The following CGREF1 variants were observed in gnomAD, a reference collection of about 807,000 sequenced individuals.
The protein encoded by CGREF1 is cell growth regulator with EF hand domain protein 1.
Under a neutral mutation model 17.4 loss-of-function variants are expected in CGREF1, and 16 were observed. The ratio of observed to expected loss-of-function variants is 0.92; its 90% CI spans 0.62 to 1.40. The LOEUF is 1.40. Among genes scored for constraint, CGREF1 ranks in the 40% most tolerant of loss-of-function variants. The probability of loss-of-function intolerance (pLI) is 0.00; values close to 1 mark genes in which losing one functional copy is unlikely to be tolerated. For missense variants in CGREF1, 296 were observed against 376.4 expected (o/e 0.79, Z 1.77); for synonymous variants, 142 against 154.6 (o/e 0.92, Z 0.61).
intron 2 of CGREF1, 125 bp downstream of exon 2, chr2:27,104,158 CAGGG>C: frequency 1.1e-6 from 1 of 896,624 alleles, no homozygotes; most frequent in Non-Finnish European, 1.6e-6. Context: ...AGGCTGATGG[CAGGG>C]AGATACAGAG....
chr2:27,101,571 C>A lies in CGREF1; in HGVS notation c.660G>T (p.Gly220=). The A allele has an allele frequency of 6.2e-7, 1 of 1,613,648 alleles. No homozygotes were observed. Among genetic ancestry groups the A allele is most frequent in the South Asian group, 1.1e-5 (1 of 91,074 alleles). Residue 220 remains glycine (G), a synonymous_variant, in exon 6 of 6, where the codon GGG becomes GGT. Coordinates refer to ENST00000402394, the MANE Select transcript of CGREF1 (RefSeq NM_006569.6). ...GQAEADGDVP[G]PRGEAEGQAE... Reference sequence around the variant, plus strand: ...CCTGGCCCTCAGCTTCCCCTCTGGGCCCTGGAACATCTCCATCAGCCTCTG... The same window carrying A: ...CCTGGCCCTCAGCTTCCCCTCTGGGACCTGGAACATCTCCATCAGCCTCTG...
Position 27,119,122 on chromosome 2 carries a change from C to T in CGREF1, c.-288G>A, listed in dbSNP as rs996684077. The T allele has an allele frequency of 6.6e-6, 1 of 152,268 alleles. No homozygotes were observed. The highest frequency in any genetic ancestry group is 1.5e-5 in the Non-Finnish European group (1 of 68,022). The allele number at this position is 152,268 out of a possible 1,614,324, so 9.4% of individuals were successfully genotyped here. On this transcript the variant is annotated 5_prime_UTR_variant, in exon 1 of 6. Transcript: ENST00000402394. This position sits in a 1 kb window ranked among gnomAD's most constrained non-coding sequence, Gnocchi z 5.6. Reference sequence around the variant, plus strand: ...CTGCGCGCGCCCGTGTGAGTGTGCGCGTGTGTGCGTGCGTGAGTGCGCATG... The same window carrying T: ...CTGCGCGCGCCCGTGTGAGTGTGCGTGTGTGTGCGTGCGTGAGTGCGCATG...
At chr2:27,107,653 G>C (rs939874837) in intron 1 of CGREF1, among the ~76,000 whole-genome samples, 52 of 151,210 alleles carry the variant, frequency 3.4e-4, no homozygotes, top group African/African-American at 1.3e-3. Flanking sequence ...AAAAAAAAGA[G>C]GCCGGGTGTG....
rs1299586758 is a variant in CGREF1 at position 27,104,310 on chromosome 2, A to G, written c.57T>C (p.Ala19=). The change falls in exon 2 of 6, where the codon GCT becomes GCC. Residue 19 remains alanine (A), a synonymous_variant. Coordinates refer to ENST00000402394, the MANE Select transcript of CGREF1 (RefSeq NM_006569.6). ...ACCTTGTGACTCCATCCTTTGGGGC[A>G]GCCTGACCCGTGGGGAGCAGCAGCA... is the stretch of plus-strand genomic sequence containing the variant. The part of the protein sequence containing the change: ...LILLLLPTGQ[A]APKDGVTRPD... The G allele has an allele frequency of 6.4e-7, 1 of 1,574,796 alleles. No homozygotes were observed. The highest frequency in any genetic ancestry group is 1.2e-5 in the South Asian group (1 of 82,890).
chr2:27,101,941 G>A, intron 5 of CGREF1, 53 bp from the exon 6 acceptor site: 4 of 1,591,338 alleles, frequency 2.5e-6, no homozygotes, highest in African/African-American at 1.3e-5. Context: ...GTTCCCAGGA[G>A]TTCTGACCCT....
downstream of CGREF1, chr2:27,099,727 C>A: frequency 6.2e-7 from 1 of 1,614,128 alleles, no homozygotes; most frequent in Non-Finnish European, 8.5e-7. Context: ...GTGTGGCCTG[C>A]AGGGCTTTGA....
intron 1 of CGREF1, among the ~76,000 whole-genome samples, chr2:27,109,055 A>T (rs1012205897): frequency 6.6e-6 from 1 of 152,068 alleles, no homozygotes; most frequent in Non-Finnish European, 1.5e-5. Flanking sequence ...AACTTAGAGA[A>T]TTTGCCACTA....
Position 27,101,775 on chromosome 2 carries a change from G to A in CGREF1, c.456C>T (p.Pro152=), listed in dbSNP as rs780406551. Residue 152 remains proline, a synonymous_variant, in exon 6 of 6, where the codon CCC becomes CCT. Transcript: ENST00000402394. ...GAGGAGATGGAGCAAGGGGCTCTCC[G>A]GGCTCCACGTGCCTGAGGGCTACTC... ...FPGVALRHVE[P]GEPLAPSPQE... is the part of the protein sequence containing the mutation. 1.8e-5 allele frequency: 29 copies of A among 1,614,072 alleles called. No individual in the cohort carries two copies. The highest frequency in any genetic ancestry group is 1.2e-4 in the Admixed American group (7 of 60,002).
chr2:27,099,926 G>T, downstream of CGREF1: 1 of 1,399,196 alleles, frequency 7.1e-7, no homozygotes, highest in Non-Finnish European at 9.9e-7. Flanking sequence ...GGGGATGGCT[G>T]GGGGATGCAG....
intron 1 of CGREF1, among the ~76,000 whole-genome samples, chr2:27,115,224 G>T (rs1398741162): frequency 1.3e-5 from 2 of 151,984 alleles, no homozygotes; most frequent in Non-Finnish European, 2.9e-5. Flanking sequence ...AATCATTTTT[G>T]CACCGAGCCC....
intron 1 of CGREF1, among the ~76,000 whole-genome samples, chr2:27,106,333 A>T (rs1671116682): frequency 6.6e-6 from 1 of 152,222 alleles, no homozygotes; most frequent in South Asian, 2.1e-4. Flanking sequence ...GTATCTGCCA[A>T]ACCAAACCCA....
At chr2:27,099,673 G>A (rs138164728), downstream of CGREF1, 1,963 of 1,614,124 alleles carry the variant, frequency 1.2e-3, 18 homozygotes, top group Non-Finnish European at 9.0e-4. Context: ...AGGGAGGAGC[G>A]TGCAGGAAGC....
At position 27,101,131 on chromosome 2, in the gene CGREF1, G is replaced by C. The variant is rs910152774; in HGVS notation, c.*143C>G. 1.5e-5 allele frequency: 22 copies of C among 1,441,134 alleles called. No individual in the cohort carries two copies. The highest frequency in any genetic ancestry group is 1.9e-5 in the Non-Finnish European group (21 of 1,104,980). The allele number at this position is 1,441,134 out of a possible 1,614,324, so 89.3% of individuals were successfully genotyped here. A position where few individuals can be genotyped will look rare whatever the true frequency, so the allele number is the denominator to read the frequency against. Reference sequence around the variant, plus strand: ...CTGCCCCTTAACTTAGGGTCTCCCTGAGCTGCACAGAAAGACCTGATACCT... The same window carrying C: ...CTGCCCCTTAACTTAGGGTCTCCCTCAGCTGCACAGAAAGACCTGATACCT... On this transcript the variant is annotated 3_prime_UTR_variant, in exon 6 of 6. Coordinates refer to ENST00000402394, the MANE Select transcript of CGREF1 (RefSeq NM_006569.6).
At chr2:27,102,287 G>A in intron 4 of CGREF1, 66 bp from the exon 5 acceptor site, 2 of 1,612,604 alleles carry the variant, frequency 1.2e-6, no homozygotes, top group Non-Finnish European at 1.7e-6. Context: ...GAGTCAATGG[G>A]GCAGCCGAGG....
At chr2:27,099,923 G>A (rs1670703928), downstream of CGREF1, 9 of 1,415,798 alleles carry the variant, frequency 6.4e-6, no homozygotes, top group South Asian at 1.1e-4. Flanking sequence ...TGGGGGGATG[G>A]CTGGGGGATG....
intron 1 of CGREF1, among the ~76,000 whole-genome samples, chr2:27,115,249 C>T (rs1034842890): frequency 6.6e-6 from 1 of 152,128 alleles, no homozygotes; most frequent in South Asian, 2.1e-4. Flanking sequence ...AATTATGCAC[C>T]TGGTCCTGAG....
At chr2:27,103,062 G>GT (rs879431182) in intron 2 of CGREF1, 49 of 985,264 alleles carry the variant, frequency 5.0e-5, no homozygotes, top group Non-Finnish European at 5.3e-5. Flanking sequence ...AGGACAGGGT[G>GT]TATCTGTTGG....
chr2:27,109,368 T>G (rs1671259475), intron 1 of CGREF1, among the ~76,000 whole-genome samples: 1 of 105,214 alleles, frequency 9.5e-6, no homozygotes, highest in African/African-American at 3.2e-5. Flanking sequence ...CAAGACCCTG[T>G]CTTAAAAAAA....
At chr2:27,116,878 T>TCTCTCTCTCTCTCTCTCC (rs1671593195) in intron 1 of CGREF1, among the ~76,000 whole-genome samples, 4 of 36,788 alleles carry the variant, frequency 1.1e-4, no homozygotes, top group Admixed American at 6.9e-4. Context: ...CTATTCTCTC[T>TCTCTCTCTCTCTCTCTCC]CTCTCTCTCT....
Sources: gnomAD v4.1 joint callset for allele counts (sites outside exome capture counted in the v4.1 genomes callset) on GRCh38, gnomAD v4.1.1 for gene constraint, Gnocchi (gnomAD v3.1) non-coding constraint, MANE v1.5 for transcripts, NCBI Gene and HGNC (gene_info 2026-07-23, HGNC 2026-07-21) for gene names.